Variants in LINGO2 observed in about 807,000 individuals in gnomAD.
The protein encoded by LINGO2 is leucine rich repeat and Ig domain containing 2, also known as leucine-rich repeat and immunoglobulin-like domain-containing nogo receptor-interacting protein 2.
Under a neutral mutation model 30.6 loss-of-function variants are expected in LINGO2, and 14 were observed. The observed-to-expected ratio is 0.46, with a 90% CI of 0.30 to 0.72. The LOEUF is 0.72. LINGO2 is among the 30% of genes least tolerant of loss of function. The probability of loss-of-function intolerance (pLI) is 0.07; values close to 1 mark genes in which losing one functional copy is unlikely to be tolerated. For synonymous variants in LINGO2, 317 were observed against 288.5 expected (o/e 1.10, Z -1.00); for missense variants, 729 against 751.7 (o/e 0.97, Z 0.35).
chr9:28,649,767 G>A (rs910140642), intron 1 of LINGO2, among the ~76,000 whole-genome samples: 5 of 151,656 alleles, frequency 3.3e-5, no homozygotes, highest in African/African-American at 1.2e-4. Context: ...CTGAGGATGT[G>A]AAAAATTAAA....
intron 4 of LINGO2, among the ~76,000 whole-genome samples, chr9:28,241,006 C>G (rs1234246690): frequency 6.6e-6 from 1 of 152,064 alleles, no homozygotes. Flanking sequence ...CACAGTGGCT[C>G]ACGCCTGTAA....
At chr9:28,299,563 A>G (rs1824057727) in intron 3 of LINGO2, among the ~76,000 whole-genome samples, 2 of 152,036 alleles carry the variant, frequency 1.3e-5, no homozygotes, top group Non-Finnish European at 2.9e-5. Flanking sequence ...TCTATTTTAT[A>G]TGTAGTTTCT....
At chr9:28,886,161 A>G in the LINGO2 span, among the ~76,000 whole-genome samples, 12 of 152,166 alleles carry the variant, frequency 7.9e-5, no homozygotes, top group African/African-American at 2.9e-4. Context: ...CTTTCAGTGT[A>G]CTGACATGCC....
intron 2 of LINGO2, among the ~76,000 whole-genome samples, chr9:28,427,817 C>T (rs186021687): frequency 1.2e-3 from 190 of 152,220 alleles, no homozygotes; most frequent in Admixed American, 6.4e-3. Flanking sequence ...AGGCCATCTC[C>T]TCTTAACCAC....
the LINGO2 span, among the ~76,000 whole-genome samples, chr9:28,706,760 T>C: frequency 1.3e-5 from 2 of 152,122 alleles, no homozygotes; most frequent in South Asian, 2.1e-4. Context: ...CTCACACTTG[T>C]GTATCACTCA....
the LINGO2 span, among the ~76,000 whole-genome samples, chr9:28,983,974 C>T: frequency 6.6e-6 from 1 of 152,010 alleles, no homozygotes; most frequent in African/African-American, 2.4e-5. Flanking sequence ...TTCAAGTTTT[C>T]TCCAATATGT....
intron 4 of LINGO2, among the ~76,000 whole-genome samples, chr9:28,258,725 T>C (rs1305172992): frequency 1.3e-5 from 2 of 151,982 alleles, no homozygotes; most frequent in Admixed American, 6.6e-5. Flanking sequence ...ACACGGAACA[T>C]CTTTTACAGA....
intron 5 of LINGO2, among the ~76,000 whole-genome samples, chr9:27,976,850 G>A (rs560603868): frequency 5.9e-5 from 9 of 152,174 alleles, no homozygotes; most frequent in African/African-American, 1.9e-4. Flanking sequence ...AGCCTCACTG[G>A]AAAAGAATAA....
chr9:28,450,963 C>G (rs1020313215), intron 2 of LINGO2, among the ~76,000 whole-genome samples: 1 of 151,840 alleles, frequency 6.6e-6, no homozygotes, highest in Non-Finnish European at 1.5e-5. Flanking sequence ...GAGCCTGAGT[C>G]CTTTCCTTCA....
At chr9:28,957,120 A>C in the LINGO2 span, among the ~76,000 whole-genome samples, 1 of 152,072 alleles carries the variant, frequency 6.6e-6, no homozygotes, top group Non-Finnish European at 1.5e-5. Flanking sequence ...CTGGCAGTTG[A>C]GGGCCATGGA....
the LINGO2 span, among the ~76,000 whole-genome samples, chr9:29,037,226 T>G: frequency 2.0e-5 from 3 of 152,054 alleles, no homozygotes; most frequent in South Asian, 6.2e-4. Flanking sequence ...GACTTAATGA[T>G]GAGACTCCTT....
Position 28,479,767 on chromosome 9 carries a change from T to C in LINGO2, c.-364-3742A>G, listed in dbSNP as rs372989290. Among the ~76,000 whole-genome samples the C allele has an allele frequency of 8.0e-5, 12 of 150,582 alleles. No individual in the cohort carries two copies. In the East Asian group the frequency reaches 1.6e-3, roughly 20 times the overall value. ...GTCTAGTTCCTTTAAAGAACAGTCA[T>C]TGGTCCTATCTATAATGACTATTTC... On this transcript the variant is annotated intron_variant, in intron 1 of 5. Coordinates refer to ENST00000379992, the Ensembl canonical transcript of LINGO2.
At chr9:28,267,865 C>A (rs1213987686) in intron 4 of LINGO2, among the ~76,000 whole-genome samples, 2 of 151,982 alleles carry the variant, frequency 1.3e-5, no homozygotes, top group East Asian at 1.9e-4. Flanking sequence ...ATTCTTGGCT[C>A]CTCCATTTCT....
At chr9:28,644,837 C>A (rs7863673) in intron 1 of LINGO2, among the ~76,000 whole-genome samples, 1 of 151,848 alleles carries the variant, frequency 6.6e-6, no homozygotes, top group Non-Finnish European at 1.5e-5. Context: ...TATGTACTCA[C>A]ATAAATCAAA....
chr9:28,848,580 A>G, the LINGO2 span, among the ~76,000 whole-genome samples: 1 of 150,704 alleles, frequency 6.6e-6, no homozygotes, highest in Admixed American at 6.7e-5. Flanking sequence ...AAAATGACTC[A>G]TCTCAACAAG....
the LINGO2 span, among the ~76,000 whole-genome samples, chr9:29,161,683 T>G: frequency 6.6e-6 from 1 of 152,166 alleles, no homozygotes; most frequent in Admixed American, 6.5e-5. Context: ...CCTATACTGC[T>G]GATCTAGGAA....
At chr9:28,408,774 CAAAAAAAAAAAAACA>C (rs1310713834) in intron 2 of LINGO2, among the ~76,000 whole-genome samples, 3 of 127,566 alleles carry the variant, frequency 2.4e-5, no homozygotes, top group East Asian at 2.8e-4. Flanking sequence ...TATAAAAAAA[CAAAAAAAAAAAAACA>C]AAAAAAAACA....
chr9:28,971,994 A>T, the LINGO2 span, among the ~76,000 whole-genome samples: 1 of 152,316 alleles, frequency 6.6e-6, no homozygotes, highest in South Asian at 2.1e-4. Context: ...AGAGAACAAG[A>T]GTCTCTACCT....
chr9:28,146,601 G>C (rs1222489080), intron 4 of LINGO2, among the ~76,000 whole-genome samples: 2 of 151,474 alleles, frequency 1.3e-5, no homozygotes, highest in African/African-American at 4.9e-5. Flanking sequence ...TAATATCTTT[G>C]AATATAGATG....
Sources: gnomAD v4.1 joint callset for allele counts (sites outside exome capture counted in the v4.1 genomes callset) on GRCh38, gnomAD v4.1.1 for gene constraint, MANE v1.5 for transcripts, NCBI Gene and HGNC (gene_info 2026-07-23, HGNC 2026-07-21) for gene names.